Variants in DCN observed in about 807,000 individuals in gnomAD.
DCN encodes the protein bone proteoglycan II.
DCN carries 17 observed loss-of-function variants against 36.5 expected under a neutral mutation model. The observed-to-expected ratio is 0.47, with a 90% CI of 0.32 to 0.70. The LOEUF (loss-of-function observed/expected upper bound fraction) is 0.70, where lower values mean the gene tolerates loss of function less well. Ranked by LOEUF, DCN falls within the 30% of genes least tolerant of loss-of-function variation. The probability of loss-of-function intolerance (pLI) is 0.04; values close to 1 mark genes in which losing one functional copy is unlikely to be tolerated. For synonymous variants in DCN, 163 were observed against 161.4 expected (o/e 1.01, Z -0.07); for missense variants, 389 against 430.1 (o/e 0.90, Z 0.84).
chr12:91,172,758 G>A (rs1457489740), intron 2 of DCN: 2 of 700,194 alleles, frequency 2.9e-6, no homozygotes, highest in South Asian at 1.5e-5. Context: ...CCATGCATAT[G>A]TTCGTGTATT....
At chr12:91,148,721 C>CAAAAAAAA (rs5799978) in intron 7 of DCN, among the ~76,000 whole-genome samples, 4,201 of 49,436 alleles carry the variant, frequency 0.085, 385 homozygotes, top group Non-Finnish European at 0.12. Flanking sequence ...CGCTCCGACT[C>CAAAAAAAA]AAAAAAAAAA....
At chr12:91,180,095 T>C (rs1883506015) in intron 1 of DCN, 1 of 152,132 alleles carries the variant, frequency 6.6e-6, no homozygotes, top group Non-Finnish European at 1.5e-5. Context: ...GATGAAATAT[T>C]TTTTAAATTG....
At position 91,143,293 on chromosome 12, in the gene DCN, A is replaced by C. The variant is rs1378313221; in HGVS notation, c.*2765T>G. On this transcript the variant is annotated 3_prime_UTR_variant, in exon 8 of 8. Transcript: ENST00000052754. ...AAGTTTCTGTTGTTTTAAGCCACCC[A>C]GTTTTTGGTACTTTATTATAGCAGC... 1 of 152,184 alleles carries C rather than the reference A, an allele frequency of 6.6e-6. No homozygotes were observed. Among genetic ancestry groups the C allele is most frequent in the Admixed American group, 6.5e-5 (1 of 15,274 alleles). 9.4% of individuals were successfully genotyped at this position (152,184 alleles called of 1,614,324 possible).
intron 5 of DCN, 66 bp downstream of exon 5, chr12:91,157,009 T>G: frequency 8.9e-7 from 1 of 1,121,350 alleles, no homozygotes; most frequent in Non-Finnish European, 1.3e-6. Flanking sequence ...TCCACAAGAT[T>G]TTTTTTTTTT....
At chr12:91,160,028 C>T (rs1882060716) in intron 3 of DCN, among the ~76,000 whole-genome samples, 1 of 152,058 alleles carries the variant, frequency 6.6e-6, no homozygotes, top group Admixed American at 6.5e-5. Context: ...GTTCACATTA[C>T]TCGATGAATT....
At chr12:91,159,767 T>C (rs1882041904) in intron 3 of DCN, among the ~76,000 whole-genome samples, 1 of 152,142 alleles carries the variant, frequency 6.6e-6, no homozygotes, top group East Asian at 1.9e-4. Context: ...TTTTCAATTA[T>C]CTGTATGTCT....
chr12:91,182,350 A>T (rs1319081601), intron 1 of DCN, among the ~76,000 whole-genome samples: 1 of 152,118 alleles, frequency 6.6e-6, no homozygotes, highest in African/African-American at 2.4e-5. Flanking sequence ...GAAGAGCTAA[A>T]CATTCATTAA....
intron 2 of DCN, among the ~76,000 whole-genome samples, chr12:91,170,362 T>C (rs1882881224): frequency 1.3e-5 from 2 of 152,200 alleles, no homozygotes; most frequent in Admixed American, 1.3e-4. Flanking sequence ...GAAATCTGTT[T>C]TTCAGGTATG....
At chr12:91,146,344 T>A in intron 7 of DCN, 92 bp from the exon 8 acceptor site, 5 of 656,378 alleles carry the variant, frequency 7.6e-6, no homozygotes, top group East Asian at 3.0e-5. Flanking sequence ...TATTTTTTAA[T>A]CCTTCACTTT....
At chr12:91,170,793 T>C (rs1282677088) in intron 2 of DCN, among the ~76,000 whole-genome samples, 1 of 152,166 alleles carries the variant, frequency 6.6e-6, no homozygotes, top group Non-Finnish European at 1.5e-5. Context: ...TAAATTGTGG[T>C]AGAAATACAC....
chr12:91,154,777 G>A (rs932474052), intron 5 of DCN, among the ~76,000 whole-genome samples: 13 of 151,892 alleles, frequency 8.6e-5, no homozygotes, highest in African/African-American at 1.4e-4. Flanking sequence ...AAGTACTTGC[G>A]TGTACAATAC....
chr12:91,160,438 C>T (rs890245941), intron 3 of DCN, among the ~76,000 whole-genome samples: 1 of 151,938 alleles, frequency 6.6e-6, no homozygotes, highest in Non-Finnish European at 1.5e-5. Flanking sequence ...TTATGTAGGT[C>T]TTACACTGTA....
chr12:91,143,856 GTA>G lies in DCN; in HGVS notation c.*2200_*2201del, dbSNP rs535582722. ...TATATATATAAAGATATATATGTGT[GTA>G]TATATATAAAGATATATATGTGTGT... On this transcript the variant is annotated 3_prime_UTR_variant, in exon 8 of 8. Transcript: ENST00000052754. The G allele has an allele frequency of 6.7e-6, 1 of 148,434 alleles. No individual in the cohort carries two copies. Among genetic ancestry groups the G allele is most frequent in the South Asian group, 2.1e-4 (1 of 4,770 alleles). The allele number at this position is 148,434 out of a possible 1,614,324, so 9.2% of individuals were successfully genotyped here. A position where few individuals can be genotyped will look rare whatever the true frequency, so the allele number is the denominator to read the frequency against.
intron 4 of DCN, among the ~76,000 whole-genome samples, chr12:91,157,440 G>A (rs981172580): frequency 6.6e-6 from 1 of 152,126 alleles, no homozygotes; most frequent in Non-Finnish European, 1.5e-5. Flanking sequence ...GACTATTAGT[G>A]AAAGCAATAC....
rs1881652337 is a variant in DCN at position 91,154,764 on chromosome 12, G to C, written c.653-1575C>G. 1.3e-5 allele frequency among the ~76,000 whole-genome samples: 2 copies of C among 151,510 alleles called. 1 individual carries two copies. Among genetic ancestry groups the C allele is most frequent in the South Asian group, 4.2e-4 (2 of 4,768 alleles). On this transcript the variant is annotated intron_variant, in intron 5 of 7. Transcript: ENST00000052754. ...TAAAATATATTGAGGTTTACATTGG[G>C]CCAAGTACTTGCGTGTACAATACAA...
intron 2 of DCN, among the ~76,000 whole-genome samples, chr12:91,169,362 CA>C (rs1565785649): frequency 1.1e-5 from 1 of 92,560 alleles, no homozygotes; most frequent in African/African-American, 4.5e-5. Context: ...GCCTAGGCAA[CA>C]GGGGGAGATC....
chr12:91,148,489 G>T (rs577982039), intron 7 of DCN, among the ~76,000 whole-genome samples: 1 of 151,954 alleles, frequency 6.6e-6, no homozygotes, highest in African/African-American at 2.4e-5. Context: ...AGGCCGAGGC[G>T]GATGGATCAT....
chr12:91,169,173 G>T (rs892996155), intron 2 of DCN, among the ~76,000 whole-genome samples: 1 of 151,984 alleles, frequency 6.6e-6, no homozygotes, highest in African/African-American at 2.4e-5. Flanking sequence ...CAGACAGGTG[G>T]ATTGCTTGAG....
chr12:91,158,789 C>A (rs756905028), intron 3 of DCN, among the ~76,000 whole-genome samples: 4 of 152,032 alleles, frequency 2.6e-5, no homozygotes, highest in African/African-American at 4.8e-5. Context: ...TGGCGAAATC[C>A]CGTCTGTATC....
Sources: allele counts gnomAD v4.1 joint callset (sites outside exome capture counted in the v4.1 genomes callset), GRCh38; gene constraint gnomAD v4.1.1; transcripts MANE v1.5; gene names NCBI Gene and HGNC (gene_info 2026-07-23, HGNC 2026-07-21).